ABCA4: variants seen among roughly 807,000 people sequenced by gnomAD.
ABCA4 encodes the protein ATP binding cassette subfamily A member 4, also known as retinal-specific phospholipid-transporting ATPase ABCA4.
Under a neutral mutation model 263.7 loss-of-function variants are expected in ABCA4, and 196 were observed. The observed-to-expected ratio is 0.74, with a 90% confidence interval of 0.66 to 0.84. ABCA4 has a LOEUF of 0.84. ABCA4 is among the 40% of genes least tolerant of loss of function. The pLI is 0.00. For synonymous variants in ABCA4, 1,133 were observed against 1,094.2 expected (o/e 1.04, Z -0.70); for missense variants, 2,792 against 2,855.1 (o/e 0.98, Z 0.50).
rs1661176279 is a variant in ABCA4 at position 94,063,151 on chromosome 1, T to C, written c.1721A>G (p.Asp574Gly). ...ATTGGTTTTCTCCACCACGTCTATG[T>C]CCATTCGGATCTTATACTTCACGTG... ...PPHVKYKIRMDIDVVEKTNKI... is the reference protein window; with the variant it reads ...PPHVKYKIRMGIDVVEKTNKI... Residue 574 changes from aspartate (D) to glycine (G), a missense_variant, in exon 12 of 50, where the codon GAC (aspartate) becomes GGC (glycine). Physicochemically the swap from Asp to Gly is moderately conservative, Grantham distance 94. Coordinates refer to ENST00000370225, the MANE Select transcript of ABCA4 (RefSeq NM_000350.3). The C allele has an allele frequency of 6.2e-7, 1 of 1,614,212 alleles. No homozygotes were observed. The highest frequency in any genetic ancestry group is 2.2e-5 in the East Asian group (1 of 44,892).
intron 7 of ABCA4, 121 bp downstream of exon 7, chr1:94,083,231 G>A (rs769997427): frequency 3.4e-5 from 32 of 938,016 alleles, no homozygotes; most frequent in South Asian, 1.1e-4. Flanking sequence ...ATTGCTAGAT[G>A]GAAAGATCAA....
intron 11 of ABCA4, among the ~76,000 whole-genome samples, chr1:94,063,653 C>T (rs140097181): frequency 4.7e-4 from 71 of 152,220 alleles, no homozygotes; most frequent in African/African-American, 1.6e-3. Context: ...CATGGGGAGG[C>T]GAGGGAGTGG....
At chr1:94,056,948 C>A (rs1259105934) in intron 14 of ABCA4, 126 bp from the exon 15 acceptor site, 1 of 807,260 alleles carries the variant, frequency 1.2e-6, no homozygotes, top group Non-Finnish European at 2.1e-6. Flanking sequence ...ACTCCATGTG[C>A]TGAGTTCCTT....
chr1:94,048,853 T>A lies in ABCA4; in HGVS notation c.2743+15A>T. ...TTTCCTCGCCTCTGCTGTGTATTCTTTATCGGGGTTTTACCGTGTATTCCT... is the reference window on the plus strand; with the variant it reads ...TTTCCTCGCCTCTGCTGTGTATTCTATATCGGGGTTTTACCGTGTATTCCT... On this transcript the variant is annotated intron_variant, in intron 18 of 49. Transcript: ENST00000370225. 1 of 1,613,492 alleles carries A rather than the reference T, an allele frequency of 6.2e-7. No homozygotes were observed. The highest frequency in any genetic ancestry group is 8.5e-7 in the Non-Finnish European group (1 of 1,179,414).
intron 36 of ABCA4, 65 bp from the exon 37 acceptor site, chr1:94,015,919 G>A: frequency 7.2e-7 from 1 of 1,389,942 alleles, no homozygotes; most frequent in African/African-American, 1.4e-5. Context: ...TCTGCAAAAT[G>A]AGGGGTGGGG....
intron 6 of ABCA4, among the ~76,000 whole-genome samples, chr1:94,093,928 C>T (rs1282116811): frequency 6.6e-6 from 1 of 151,994 alleles, no homozygotes; most frequent in African/African-American, 2.4e-5. Context: ...TTCATAAAAC[C>T]CCCCAAAAAC....
At chr1:94,079,206 A>C in intron 9 of ABCA4, 116 bp downstream of exon 9, 1 of 1,501,298 alleles carries the variant, frequency 6.7e-7, no homozygotes, top group Non-Finnish European at 9.3e-7. Flanking sequence ...TCCACTTAGC[A>C]AAAAACAAAC....
chr1:94,022,790 G>A (rs886579792), intron 32 of ABCA4, among the ~76,000 whole-genome samples: 5 of 152,154 alleles, frequency 3.3e-5, no homozygotes, highest in Non-Finnish European at 5.9e-5. Flanking sequence ...GGCCCCACAG[G>A]TCCCTCTGGA....
chr1:94,079,232 A>G, intron 9 of ABCA4, 90 bp downstream of exon 9: 1 of 1,552,442 alleles, frequency 6.4e-7, no homozygotes, highest in East Asian at 2.3e-5. Flanking sequence ...ATGTGCTACC[A>G]GGAAGGCACA....
chr1:94,109,420 T>C (rs1662538226), intron 3 of ABCA4, among the ~76,000 whole-genome samples: 1 of 152,226 alleles, frequency 6.6e-6, no homozygotes, highest in South Asian at 2.1e-4. Flanking sequence ...AGGACCTCCC[T>C]GCACACACAC....
intron 19 of ABCA4, 54 bp downstream of exon 19, chr1:94,046,865 A>T: frequency 6.3e-7 from 1 of 1,599,224 alleles, no homozygotes; most frequent in Non-Finnish European, 8.6e-7. Context: ...GGAAAGACTA[A>T]GCCAGGAAAT....
chr1:94,057,888 A>T (rs1302854251), intron 14 of ABCA4, among the ~76,000 whole-genome samples: 1 of 152,228 alleles, frequency 6.6e-6, no homozygotes, highest in Non-Finnish European at 1.5e-5. Context: ...CATAGAATTC[A>T]TCCTGTGCTC....
In ABCA4 at chr1:94,043,317, T is replaced by C; in HGVS notation, c.3190+19A>G. 4 of 1,613,914 alleles carry C rather than the reference T, an allele frequency of 2.5e-6. No homozygotes were observed. Among genetic ancestry groups the C allele is most frequent in the Non-Finnish European group, 3.4e-6 (4 of 1,179,888 alleles). On this transcript the variant is annotated intron_variant, in intron 21 of 49. Coordinates refer to ENST00000370225, the MANE Select transcript of ABCA4 (RefSeq NM_000350.3). ...TGGATTTGCCATCTGTGGCCCTGTC[T>C]CCATCCAGCTCTGAGCACCTGATAG...
rs1486728802 is a variant in ABCA4, at chr1:94,021,060, C to A, written c.5018+180G>T. Among the ~76,000 whole-genome samples, 4 of 152,172 alleles carry A rather than the reference C, an allele frequency of 2.6e-5. No individual in the cohort carries two copies. The East Asian group carries it at 7.7e-4, about 29-fold the overall frequency. On this transcript the variant is annotated intron_variant, in intron 35 of 49. Coordinates refer to ENST00000370225, the MANE Select transcript of ABCA4 (RefSeq NM_000350.3). The stretch of plus-strand genomic sequence containing the variant: ...CATAAATGTTGGGGAGAAAGAATGA[C>A]CAAGAGGTCTGGTATGTGAAGTGTG...
intron 6 of ABCA4, 66 bp downstream of exon 6, chr1:94,098,728 A>G (rs574527046): frequency 1.3e-6 from 2 of 1,577,204 alleles, no homozygotes; most frequent in East Asian, 2.2e-5. Flanking sequence ...CCCAAGGTCA[A>G]TTCGTGAGGC....
chr1:94,105,210 A>G (rs142194272), intron 4 of ABCA4, among the ~76,000 whole-genome samples: 1 of 152,356 alleles, frequency 6.6e-6, no homozygotes, highest in Non-Finnish European at 1.5e-5. Context: ...GTTGAATGAC[A>G]TGAGGCATTC....
intron 1 of ABCA4, among the ~76,000 whole-genome samples, chr1:94,116,975 TTTC>T (rs1557812250): frequency 1.1e-5 from 1 of 94,890 alleles, no homozygotes; most frequent in Non-Finnish European, 2.2e-5. Context: ...TTTCTCTTTC[TTTC>T]TTTCTTTCTT....
In ABCA4 at chr1:94,005,109, G is replaced by A. The variant is rs564267286; in HGVS notation, c.6147+332C>T. Among the ~76,000 whole-genome samples, 156 of 152,312 alleles carry A rather than the reference G, an allele frequency of 1.0e-3. 2 individuals carry two copies. Among genetic ancestry groups the A allele is most frequent in the African/African-American group, 3.5e-3 (146 of 41,580 alleles). ...CTTCCAGCATTTTGCAATTACAAAT[G>A]CAATGGATCACCTTATACATATTCA... On this transcript the variant is annotated intron_variant, in intron 44 of 49. Transcript: ENST00000370225.
intron 2 of ABCA4, among the ~76,000 whole-genome samples, chr1:94,112,763 C>T (rs867298019): frequency 9.2e-5 from 14 of 152,334 alleles, no homozygotes; most frequent in Admixed American, 3.3e-4. Context: ...ACACTGTACT[C>T]CAGCCTCGGC....
Sources: gnomAD v4.1 joint callset for allele counts (sites outside exome capture counted in the v4.1 genomes callset) on GRCh38, gnomAD v4.1.1 for gene constraint, MANE v1.5 for transcripts, NCBI Gene and HGNC (gene_info 2026-07-23, HGNC 2026-07-21) for gene names.